Variants in IL31RA observed in about 807,000 individuals in gnomAD.
IL31RA encodes the protein interleukin-31 receptor subunit alpha.
In IL31RA, 66 loss-of-function variants were observed where a neutral mutation model predicts 83.7. The ratio of observed to expected loss-of-function variants is 0.79; its 90% confidence interval spans 0.65 to 0.97. IL31RA has a LOEUF of 0.97. Ranked by LOEUF, IL31RA falls within the 50% of genes least tolerant of loss-of-function variation. IL31RA has a pLI of 0.00. For missense variants in IL31RA, 798 were observed against 919.4 expected (o/e 0.87, Z 1.71); for synonymous variants, 325 against 329.0 (o/e 0.99, Z 0.13).
chr5:55,867,279 ATGTG>A (rs796392593), intron 2 of IL31RA, among the ~76,000 whole-genome samples: 1 of 14,196 alleles, frequency 7.0e-5, no homozygotes, highest in African/African-American at 3.8e-4. Context: ...GTGTGTGTGC[ATGTG>A]TGTGTGCATG....
At position 55,872,422 on chromosome 5, in the gene IL31RA, A is replaced by G; in HGVS notation, c.425A>G (p.His142Arg). 6.2e-7 allele frequency: 1 copy of G among 1,606,720 alleles called. No individual in the cohort carries two copies. The highest frequency in any genetic ancestry group is 8.5e-7 in the Non-Finnish European group (1 of 1,173,472). ...AENGDGVIKS[H>R]MTYWRLENIA... is the part of the protein sequence containing the mutation. ...AATGGAGATGGTGTAATTAAATCTC[A>G]TATGACATACTGGAGATTAGAGAAC... The change falls in exon 4 of 15, where the codon CAT (histidine) becomes CGT (arginine). Residue 142 changes from histidine to arginine, a missense_variant. His to Arg is a conservative substitution (Grantham distance 29). Coordinates refer to ENST00000652347, the MANE Select transcript of IL31RA (RefSeq NM_139017.7).
chr5:55,869,434 T>A (rs1746378599), intron 3 of IL31RA, among the ~76,000 whole-genome samples: 1 of 152,200 alleles, frequency 6.6e-6, no homozygotes, highest in African/African-American at 2.4e-5. Context: ...ATTATTATTC[T>A]AGCCAAAAGC....
At chr5:55,887,468 AGT>A (rs1186144315) in intron 5 of IL31RA, among the ~76,000 whole-genome samples, 1 of 152,196 alleles carries the variant, frequency 6.6e-6, no homozygotes, top group East Asian at 1.9e-4. Flanking sequence ...GACTGGGTGC[AGT>A]GGCTCACGCC....
Position 55,922,555 on chromosome 5 carries a change from A to AT in IL31RA, c.*5436dup. On this transcript the variant is annotated 3_prime_UTR_variant, in exon 15 of 15. Transcript: ENST00000652347. ...AGAGAACCATCTCTGAAGACTGGGT[A>AT]TGTGGTCTTTTCCACACATGGACCA... The AT allele has an allele frequency of 1.2e-6, 1 of 803,216 alleles. No individual in the cohort carries two copies. The highest frequency in any genetic ancestry group is 2.0e-6 in the Non-Finnish European group (1 of 496,932). The allele number at this position is 803,216 out of a possible 1,614,324, so 49.8% of individuals were successfully genotyped here. A position where few individuals can be genotyped will look rare whatever the true frequency, so the allele number is the denominator to read the frequency against.
In IL31RA at chr5:55,908,299, C is replaced by T; in HGVS notation, c.1389C>T (p.Asn463=). The change falls in exon 11 of 15, where the codon AAC becomes AAT. Residue 463 remains asparagine, a synonymous_variant. Coordinates refer to ENST00000652347, the MANE Select transcript of IL31RA (RefSeq NM_139017.7). ...PSEGPETKVE[N]IGVKTVTITW... Reference sequence around the variant, plus strand: ...AAGGTCCTGAGACCAAGGTGGAGAACATTGGCGTGAAGACGGTCACGATCA... The same window carrying T: ...AAGGTCCTGAGACCAAGGTGGAGAATATTGGCGTGAAGACGGTCACGATCA... 5 of 1,614,172 alleles carry T rather than the reference C, an allele frequency of 3.1e-6. No individual in the cohort carries two copies. Among genetic ancestry groups the T allele is most frequent in the African/African-American group, 1.3e-5 (1 of 75,038 alleles).
At chr5:55,857,247 T>C (rs112975220) in intron 1 of IL31RA, among the ~76,000 whole-genome samples, 4 of 152,112 alleles carry the variant, frequency 2.6e-5, no homozygotes, top group African/African-American at 7.2e-5. Context: ...TACAGGCACA[T>C]GCCACCATAC....
intron 4 of IL31RA, among the ~76,000 whole-genome samples, chr5:55,875,385 A>G (rs1244142723): frequency 6.6e-6 from 1 of 152,132 alleles, no homozygotes; most frequent in Non-Finnish European, 1.5e-5. Context: ...TGAGCTGGTA[A>G]GTGTTTCCTC....
chr5:55,900,373 G>A (rs543200723), intron 8 of IL31RA, among the ~76,000 whole-genome samples: 48 of 152,196 alleles, frequency 3.2e-4, no homozygotes, highest in Non-Finnish European at 5.6e-4. Context: ...AGAATACAAA[G>A]CCATACACCT....
chr5:55,882,863 C>T (rs1466115002), intron 4 of IL31RA, among the ~76,000 whole-genome samples, 181 bp from the exon 5 acceptor site: 1 of 152,020 alleles, frequency 6.6e-6, no homozygotes, highest in Non-Finnish European at 1.5e-5. Flanking sequence ...CTGGGTATTC[C>T]TTTTTCAGAG....
intron 12 of IL31RA, among the ~76,000 whole-genome samples, chr5:55,913,017 A>G (rs1244547287): frequency 1.3e-5 from 2 of 152,184 alleles, no homozygotes; most frequent in Non-Finnish European, 2.9e-5. Context: ...TATTCACTGA[A>G]TGAATGCTGT....
chr5:55,875,396 A>G (rs536450351), intron 4 of IL31RA, among the ~76,000 whole-genome samples: 3 of 152,204 alleles, frequency 2.0e-5, no homozygotes, highest in African/African-American at 7.2e-5. Flanking sequence ...GTGTTTCCTC[A>G]TCTTCTATTT....
At chr5:55,864,830 C>A (rs1745939222) in intron 2 of IL31RA, among the ~76,000 whole-genome samples, 1 of 151,118 alleles carries the variant, frequency 6.6e-6, no homozygotes, top group Non-Finnish European at 1.5e-5. Context: ...TGCACACATA[C>A]TACACATACC....
chr5:55,922,531 G>A lies in IL31RA; in HGVS notation c.*5411G>A, dbSNP rs1322071755. 3 of 1,036,078 alleles carry A rather than the reference G, an allele frequency of 2.9e-6. No homozygotes were observed. The highest frequency in any genetic ancestry group is 4.3e-5 in the Admixed American group (2 of 46,964). The allele number at this position is 1,036,078 out of a possible 1,614,324, so 64.2% of individuals were successfully genotyped here. On this transcript the variant is annotated 3_prime_UTR_variant, in exon 15 of 15. Coordinates refer to ENST00000652347, the MANE Select transcript of IL31RA (RefSeq NM_139017.7). ...AGGAAGACTGAATCTGTGGCCCCAA[G>A]AGAACCATCTCTGAAGACTGGGTAT...
At chr5:55,851,766 G>A in intron 1 of IL31RA, 133 bp downstream of exon 1, 2 of 1,580,108 alleles carry the variant, frequency 1.3e-6, no homozygotes, top group South Asian at 1.1e-5. Flanking sequence ...AGATTCCGTG[G>A]CATAATTATG....
chr5:55,872,460 T>C lies in IL31RA; in HGVS notation c.454+9T>C. ...GAGATTAGAGAACATAGGTAAGTGTTATTTGATACTCTTATATACTCTTTA... is the reference window on the plus strand; with the variant it reads ...GAGATTAGAGAACATAGGTAAGTGTCATTTGATACTCTTATATACTCTTTA... On this transcript the variant is annotated intron_variant, in intron 4 of 14. Coordinates refer to ENST00000652347, the MANE Select transcript of IL31RA (RefSeq NM_139017.7). The C allele has an allele frequency of 6.5e-7, 1 of 1,529,020 alleles. No individual in the cohort carries two copies. The highest frequency in any genetic ancestry group is 9.1e-7 in the Non-Finnish European group (1 of 1,104,798). The allele number at this position is 1,529,020 out of a possible 1,614,324, so 94.7% of individuals were successfully genotyped here.
At chr5:55,856,479 C>A (rs1561535281) in intron 1 of IL31RA, among the ~76,000 whole-genome samples, 1 of 152,192 alleles carries the variant, frequency 6.6e-6, no homozygotes, top group Non-Finnish European at 1.5e-5. Context: ...ACAGCAGAAT[C>A]TTTGGGAATT....
rs1020032101 is a variant in IL31RA, at chr5:55,896,037, T to C, written c.773-313T>C. On this transcript the variant is annotated intron_variant, in intron 6 of 14. Transcript: ENST00000652347. ...TATATATGTTAGATCTAGAGGACAT[T>C]AGATAGTCACATTTTGATCTAGATT... is the stretch of plus-strand genomic sequence containing the variant. Among the ~76,000 whole-genome samples the C allele has an allele frequency of 2.0e-5, 3 of 152,168 alleles. No individual in the cohort carries two copies. In the East Asian group the frequency reaches 5.8e-4, roughly 29 times the overall value.
chr5:55,867,310 T>C (rs986835102), intron 2 of IL31RA, among the ~76,000 whole-genome samples: 39 of 149,732 alleles, frequency 2.6e-4, no homozygotes, highest in Admixed American at 6.6e-5. Context: ...TGTGCGTGTG[T>C]GTGTGTGCGT....
Position 55,922,297 on chromosome 5 carries a change from A to G in IL31RA, c.*5177A>G. ...GCTGGGGAGAAGCAAGGGGCAGGGG[A>G]GGGGCAGAACTCCACAAGAGGGCAA... is the stretch of plus-strand genomic sequence containing the variant. On this transcript the variant is annotated 3_prime_UTR_variant, in exon 15 of 15. Coordinates refer to ENST00000652347, the MANE Select transcript of IL31RA (RefSeq NM_139017.7). 1 of 931,984 alleles carries G rather than the reference A, an allele frequency of 1.1e-6. No individual in the cohort carries two copies. The highest frequency in any genetic ancestry group is 1.4e-5 in the South Asian group (1 of 71,574). The allele number at this position is 931,984 out of a possible 1,614,324, so 57.7% of individuals were successfully genotyped here. A position where few individuals can be genotyped will look rare whatever the true frequency, so the allele number is the denominator to read the frequency against.
Sources: gnomAD v4.1 joint callset for allele counts (sites outside exome capture counted in the v4.1 genomes callset) on GRCh38, gnomAD v4.1.1 for gene constraint, MANE v1.5 for transcripts, NCBI Gene and HGNC (gene_info 2026-07-23, HGNC 2026-07-21) for gene names.